The following REXO1 variants were observed in gnomAD, a reference collection of about 807,000 sequenced individuals.
REXO1 encodes the protein RNA exonuclease 1 homolog.
In REXO1, 42 loss-of-function variants were observed where a neutral mutation model predicts 102.6. The ratio of observed to expected loss-of-function variants is 0.41; its 90% CI spans 0.32 to 0.53. REXO1 has a LOEUF of 0.53. Ranked by LOEUF, REXO1 falls within the 20% of genes least tolerant of loss-of-function variation. The pLI is 0.27. For missense variants in REXO1, 1,819 were observed against 1,732.5 expected (o/e 1.05, Z -0.89); for synonymous variants, 908 against 779.1 (o/e 1.17, Z -2.76).
intron 1 of REXO1, among the ~76,000 whole-genome samples, chr19:1,844,264 A>T (rs1039127801): frequency 6.6e-6 from 1 of 152,208 alleles, no homozygotes; most frequent in South Asian, 2.1e-4. Context: ...GCTGGGCCTC[A>T]GTTTCCTCAT....
chr19:1,821,392 G>T, intron 5 of REXO1, 127 bp downstream of exon 5: 1 of 1,028,612 alleles, frequency 9.7e-7, no homozygotes, highest in Non-Finnish European at 1.5e-6. Context: ...GGTGAAGGCT[G>T]TACTGCGGTG....
Position 1,826,015 on chromosome 19 carries a change from T to A in REXO1, c.1912-72A>T. 1 of 1,102,388 alleles carries A rather than the reference T, an allele frequency of 9.1e-7. No homozygotes were observed. The highest frequency in any genetic ancestry group is 1.3e-5 in the South Asian group (1 of 79,210). The allele number at this position is 1,102,388 out of a possible 1,614,324, so 68.3% of individuals were successfully genotyped here. A position where few individuals can be genotyped will look rare whatever the true frequency, so the allele number is the denominator to read the frequency against. On this transcript the variant is annotated intron_variant, in intron 2 of 15. Transcript: ENST00000170168. This position sits in a 1 kb window ranked among gnomAD's most constrained non-coding sequence, Gnocchi z 4.3. ...ACACCAACACACCCCAACCTCAAAC[T>A]GCCCCCGGCAAGTGGGGAATGGAAC...
At chr19:1,836,517 G>C (rs895982579) in intron 1 of REXO1, among the ~76,000 whole-genome samples, 2 of 151,812 alleles carry the variant, frequency 1.3e-5, no homozygotes, top group Admixed American at 1.3e-4. Flanking sequence ...AGGCCGAGAC[G>C]GGTGGATCAC....
Position 1,819,943 on chromosome 19 carries a change from C to A in REXO1, c.2641G>T (p.Gly881Cys). 1 of 1,581,352 alleles carries A rather than the reference C, an allele frequency of 6.3e-7. No homozygotes were observed. Among genetic ancestry groups the A allele is most frequent in the Non-Finnish European group, 8.6e-7 (1 of 1,166,818 alleles). Residue 881 changes from glycine (G) to cysteine (C), a missense_variant, in exon 7 of 16, where the codon GGC becomes TGC. Physicochemically the swap from Gly to Cys is radical, Grantham distance 159 (BLOSUM62 -3). Coordinates refer to ENST00000170168, the MANE Select transcript of REXO1 (RefSeq NM_020695.4). ...ACCCGCCAGGACTCACTGCTGAGGC[C>A]GGGCACAGCGCTGGGGGCCAGGCCC... The part of the protein sequence containing the change: ...LRGLAPSAVP[G>C]LSKTSGRRVV...
chr19:1,840,235 G>T (rs765573195), intron 1 of REXO1, among the ~76,000 whole-genome samples: 44 of 152,310 alleles, frequency 2.9e-4, no homozygotes, highest in Middle Eastern at 6.8e-3. Context: ...GCTGGCCCAG[G>T]GCAGGTGTCT....
intron 1 of REXO1, among the ~76,000 whole-genome samples, chr19:1,844,145 G>A (rs1368964327): frequency 2.6e-5 from 4 of 152,228 alleles, no homozygotes; most frequent in Non-Finnish European, 5.9e-5. Context: ...AGCCCACAGA[G>A]GCTGGCAGCA....
At chr19:1,833,379 G>A (rs978542823) in intron 1 of REXO1, among the ~76,000 whole-genome samples, 1 of 152,214 alleles carries the variant, frequency 6.6e-6, no homozygotes, top group Non-Finnish European at 1.5e-5. Flanking sequence ...CTTTGCCTGT[G>A]CCAGGCTACA....
intron 1 of REXO1, among the ~76,000 whole-genome samples, chr19:1,832,661 G>A (rs572028157): frequency 5.3e-5 from 8 of 151,914 alleles, no homozygotes; most frequent in African/African-American, 7.2e-5. Context: ...GCTCACGCCT[G>A]TCATCCCAGC....
chr19:1,815,802 C>T lies in REXO1; in HGVS notation c.*264G>A, dbSNP rs2069342458. 6.8e-7 allele frequency: 1 copy of T among 1,481,160 alleles called. No individual in the cohort carries two copies. The highest frequency in any genetic ancestry group is 1.3e-5 in the South Asian group (1 of 77,340). The allele number at this position is 1,481,160 out of a possible 1,614,324, so 91.8% of individuals were successfully genotyped here. A position where few individuals can be genotyped will look rare whatever the true frequency, so the allele number is the denominator to read the frequency against. ...GGGCTGCGGGCCGGGTGGGGGCGGG[C>T]TCTGTCCTGGTCTCCATCAGCAGCA... On this transcript the variant is annotated 3_prime_UTR_variant, in exon 16 of 16. Coordinates refer to ENST00000170168, the MANE Select transcript of REXO1 (RefSeq NM_020695.4). The surrounding 1 kb of genome is among the most constrained non-coding windows in gnomAD (Gnocchi z 4.0).
At position 1,816,232 on chromosome 19, in the gene REXO1, C is replaced by A. The variant is rs867554272; in HGVS notation, c.3570G>T (p.Gln1190His). ...LMADYLRQII[Q>H]DNVDGHSSSE... ...GCAGGCACCGGCACTCACCATTGTC[C>A]TGGATGATCTGTCTGAGGTAGTCGG... The change falls in exon 15 of 16, where the codon CAG becomes CAT. Residue 1190 changes from glutamine (Q) to histidine (H), a missense_variant. Coordinates refer to ENST00000170168, the MANE Select transcript of REXO1 (RefSeq NM_020695.4). 6.3e-7 allele frequency: 1 copy of A among 1,585,192 alleles called. No homozygotes were observed.
At chr19:1,842,126 A>G (rs944318039) in intron 1 of REXO1, among the ~76,000 whole-genome samples, 1 of 151,686 alleles carries the variant, frequency 6.6e-6, no homozygotes, top group Admixed American at 6.6e-5. Flanking sequence ...CAGAAGAATC[A>G]CTTGAATCCA....
At chr19:1,844,520 T>A (rs560834455) in intron 1 of REXO1, among the ~76,000 whole-genome samples, 1 of 152,220 alleles carries the variant, frequency 6.6e-6, no homozygotes, top group Non-Finnish European at 1.5e-5. Context: ...TGGGCTTCAG[T>A]AGATACTGGG....
In REXO1 at chr19:1,819,126, T is replaced by C. The variant is rs2396359; in HGVS notation, c.2656A>G (p.Ser886Gly). The C allele has an allele frequency of 0.24, 382,227 of 1,563,240 alleles. 52,405 individuals are homozygous for C. The highest frequency in any genetic ancestry group is 0.54 in the African/African-American group (39,309 of 73,286). ...TCGTGGGACACAACCCTGCGGCCACTGGTTTCTGGAAGGAAGGGAGGGAGG... is the reference window on the plus strand; with the variant it reads ...TCGTGGGACACAACCCTGCGGCCACCGGTTTCTGGAAGGAAGGGAGGGAGG... The part of the protein sequence containing the change: ...PSAVPGLSKT[S>G]GRRVVSHEVV... Residue 886 changes from serine to glycine, a missense_variant, in exon 8 of 16, where the codon AGT becomes GGT. By Grantham distance (56) the Ser-to-Gly change is moderately conservative. Coordinates refer to ENST00000170168, the MANE Select transcript of REXO1 (RefSeq NM_020695.4).
intron 5 of REXO1, among the ~76,000 whole-genome samples, chr19:1,821,197 C>A (rs942146560): frequency 1.3e-5 from 2 of 151,270 alleles, no homozygotes; most frequent in South Asian, 2.1e-4. Context: ...AATACAAAAA[C>A]AGCCAGGCGT....
At position 1,827,767 on chromosome 19, in the gene REXO1, GCCGTCTCCTTGGTCT is replaced by G. The variant is rs2069782453; in HGVS notation, c.1007_1021del (p.Glu336_Thr340del). ...GAGGTCCCCCACGTCGCACTGCACG[GCCGTCTCCTTGGTCT>G]CCCGCAGGCCGCCCCCCTCGGCCTC... On this transcript the variant is annotated inframe_deletion, in exon 2 of 16. Coordinates refer to ENST00000170168, the MANE Select transcript of REXO1 (RefSeq NM_020695.4). 6.3e-7 allele frequency: 1 copy of G among 1,581,038 alleles called. No homozygotes were observed. The highest frequency in any genetic ancestry group is 1.8e-5 in the Admixed American group (1 of 54,304).
Position 1,821,070 on chromosome 19 carries a change from G to A in REXO1, c.2394+449C>T, listed in dbSNP as rs551857583. Among the ~76,000 whole-genome samples the A allele has an allele frequency of 1.3e-3, 193 of 149,190 alleles. 1 individual carries two copies. The highest frequency in any genetic ancestry group is 4.0e-3 in the African/African-American group (163 of 40,456). The stretch of plus-strand genomic sequence containing the variant: ...ACAAAAAAACACCGCCAGGGCGGTC[G>A]GGCATGGTGGCTCACGCCTGTAATC... On this transcript the variant is annotated intron_variant, in intron 5 of 15. Transcript: ENST00000170168.
intron 1 of REXO1, among the ~76,000 whole-genome samples, chr19:1,838,085 C>A (rs1270404297): frequency 4.0e-5 from 6 of 151,608 alleles, no homozygotes; most frequent in Non-Finnish European, 5.9e-5. Context: ...AGCCCAAGGC[C>A]GAGGCAGGTG....
intron 1 of REXO1, among the ~76,000 whole-genome samples, chr19:1,841,379 G>A (rs1252133422): frequency 6.6e-6 from 1 of 152,200 alleles, no homozygotes; most frequent in East Asian, 1.9e-4. Context: ...GGATTCTGAG[G>A]GTGGGGAGGA....
rs1400341835 is a variant in REXO1, at chr19:1,827,559, C to A, written c.1230G>T (p.Lys410Asn). The change falls in exon 2 of 16, where the codon AAG becomes AAT. Residue 410 changes from lysine (K) to asparagine (N), a missense_variant. By Grantham distance (94) the Lys-to-Asn change is moderately conservative. Transcript: ENST00000170168. ...KDKGRGRPVEKPRADKKGPQA... is the reference protein window; with the variant it reads ...KDKGRGRPVENPRADKKGPQA... The stretch of plus-strand genomic sequence containing the variant: ...GCGGGCCCTTCTTGTCCGCACGGGG[C>A]TTCTCCACAGGCCGCCCTCGGCCCT... 5 of 1,595,708 alleles carry A rather than the reference C, an allele frequency of 3.1e-6. No homozygotes were observed. The South Asian group carries it at 5.6e-5, about 18-fold the overall frequency.
Sources: gnomAD v4.1 joint callset for allele counts (sites outside exome capture counted in the v4.1 genomes callset) on GRCh38, gnomAD v4.1.1 for gene constraint, Gnocchi (gnomAD v3.1) non-coding constraint, MANE v1.5 for transcripts, NCBI Gene and HGNC (gene_info 2026-07-23, HGNC 2026-07-21) for gene names.